The following MACROD1 variants were observed in gnomAD, a reference collection of about 807,000 sequenced individuals.
MACROD1 encodes ADP-ribose glycohydrolase MACROD1.
A neutral mutation model predicts 41.4 loss-of-function variants in MACROD1; 31 were observed. The observed-to-expected ratio is 0.75, with a 90% CI of 0.56 to 1.01. MACROD1 has a LOEUF of 1.01. MACROD1 is among the 50% of genes least tolerant of loss of function. The pLI is 0.00. For missense variants in MACROD1, 473 were observed against 460.0 expected (o/e 1.03, Z -0.26); for synonymous variants, 252 against 203.4 (o/e 1.24, Z -2.03).
At chr11:64,093,251 C>G (rs1017815605) in intron 3 of MACROD1, among the ~76,000 whole-genome samples, 10 of 152,256 alleles carry the variant, frequency 6.6e-5, no homozygotes, top group Non-Finnish European at 1.3e-4. Flanking sequence ...TTATTATCCA[C>G]ATCAACATCT....
At chr11:64,049,606 G>A (rs918773910) in intron 3 of MACROD1, among the ~76,000 whole-genome samples, 4 of 152,214 alleles carry the variant, frequency 2.6e-5, no homozygotes, top group East Asian at 3.8e-4. Flanking sequence ...GCTGACTCCC[G>A]CACAGACATC....
At chr11:64,108,007 A>G (rs1944793347) in intron 3 of MACROD1, among the ~76,000 whole-genome samples, 1 of 152,176 alleles carries the variant, frequency 6.6e-6, no homozygotes, top group Admixed American at 6.5e-5. Context: ...TATCTTCACA[A>G]AAGCCCAGGG....
intron 3 of MACROD1, among the ~76,000 whole-genome samples, chr11:64,106,816 C>T (rs978466032): frequency 3.9e-5 from 6 of 152,206 alleles, no homozygotes; most frequent in Non-Finnish European, 7.3e-5. Flanking sequence ...TTCCTCATCC[C>T]CCAAAATAAA....
chr11:64,070,548 C>T (rs918003079), intron 3 of MACROD1, among the ~76,000 whole-genome samples: 1 of 152,188 alleles, frequency 6.6e-6, no homozygotes, highest in African/African-American at 2.4e-5. Flanking sequence ...CTCGAGAACT[C>T]GAAGCAAGTC....
chr11:64,152,215 C>T lies in MACROD1; in HGVS notation c.400+77G>A, dbSNP rs577359950. The T allele has an allele frequency of 6.5e-5, 79 of 1,218,996 alleles. No individual in the cohort carries two copies. In the South Asian group the frequency reaches 8.3e-4, roughly 13 times the overall value. 75.5% of individuals were successfully genotyped at this position (1,218,996 alleles called of 1,614,324 possible). A position where few individuals can be genotyped will look rare whatever the true frequency, so the allele number is the denominator to read the frequency against. ...CACTCGATACATGCCACTGGACTAGCTCTTCTTGTCTGCACAATTCTCCCA... is the reference window on the plus strand; with the variant it reads ...CACTCGATACATGCCACTGGACTAGTTCTTCTTGTCTGCACAATTCTCCCA... On this transcript the variant is annotated intron_variant, in intron 2 of 10. Coordinates refer to ENST00000255681, the MANE Select transcript of MACROD1 (RefSeq NM_014067.4).
chr11:64,000,659 G>C (rs1484230386), intron 4 of MACROD1, among the ~76,000 whole-genome samples: 4 of 151,914 alleles, frequency 2.6e-5, no homozygotes, highest in Non-Finnish European at 2.9e-5. Context: ...TCCGGGAGGC[G>C]GGGGCCGCCG....
intron 3 of MACROD1, among the ~76,000 whole-genome samples, chr11:64,048,327 A>G (rs1943625039): frequency 6.6e-6 from 1 of 152,244 alleles, no homozygotes; most frequent in Non-Finnish European, 1.5e-5. Context: ...CCTTTGTGCC[A>G]GTGCACTGTC....
chr11:64,068,691 G>A (rs996064004), intron 3 of MACROD1, among the ~76,000 whole-genome samples: 4 of 152,226 alleles, frequency 2.6e-5, no homozygotes, highest in Admixed American at 6.5e-5. Context: ...CTGATCTCAC[G>A]TGTCTGTCTC....
intron 3 of MACROD1, among the ~76,000 whole-genome samples, chr11:64,125,586 A>T (rs1945165915): frequency 6.6e-6 from 1 of 152,196 alleles, no homozygotes; most frequent in African/African-American, 2.4e-5. Context: ...GCTGGCACAG[A>T]GAGGGGCTCA....
intron 3 of MACROD1, among the ~76,000 whole-genome samples, chr11:64,017,942 A>G (rs1384899565): frequency 6.6e-6 from 1 of 152,156 alleles, no homozygotes; most frequent in Non-Finnish European, 1.5e-5. Flanking sequence ...TGGGAAGGTG[A>G]TGCCATTCCC....
At chr11:64,157,950 G>A (rs1945694559) in intron 1 of MACROD1, among the ~76,000 whole-genome samples, 1 of 152,188 alleles carries the variant, frequency 6.6e-6, no homozygotes, top group African/African-American at 2.4e-5. Context: ...GGGAGACGGA[G>A]CACGCAGCAC....
chr11:64,105,803 C>T (rs929892531), intron 3 of MACROD1, among the ~76,000 whole-genome samples: 5 of 152,144 alleles, frequency 3.3e-5, no homozygotes, highest in Non-Finnish European at 7.4e-5. Context: ...AGGAGGTGGG[C>T]GGGGAGGCTG....
chr11:64,084,921 C>A (rs1236297346), intron 3 of MACROD1, among the ~76,000 whole-genome samples: 1 of 152,256 alleles, frequency 6.6e-6, no homozygotes, highest in African/African-American at 2.4e-5. Context: ...TCCCTCCAGC[C>A]AGCCTTGGTG....
At chr11:64,053,363 G>A (rs1943728520) in intron 3 of MACROD1, among the ~76,000 whole-genome samples, 1 of 152,224 alleles carries the variant, frequency 6.6e-6, no homozygotes, top group Non-Finnish European at 1.5e-5. Context: ...GCTGGGCTCT[G>A]TTAACTGGGG....
rs1265815965 is a variant in MACROD1, at chr11:63,998,850, G to C, written c.*18C>G. On this transcript the variant is annotated 3_prime_UTR_variant, in exon 10 of 11. Transcript: ENST00000255681. ...AGGCCCTGCTTACCAGTCCCGGTCA[G>C]GGTGGGCTGCGGGAGCCTCAGGCTG... 1 of 1,588,350 alleles carries C rather than the reference G, an allele frequency of 6.3e-7. No individual in the cohort carries two copies. The highest frequency in any genetic ancestry group is 1.3e-5 in the African/African-American group (1 of 74,438).
At position 64,118,251 on chromosome 11, in the gene MACROD1, C is replaced by T. The variant is rs372963657; in HGVS notation, c.517+32988G>A. ...TGGCTACGGCACCACGCGGGGCTAC[C>T]GGGACGGCGGCATCCCCGACATAGA... On this transcript the variant is annotated intron_variant, in intron 3 of 10. Transcript: ENST00000255681. 43 of 1,600,768 alleles carry T rather than the reference C, an allele frequency of 2.7e-5. No individual in the cohort carries two copies. In the Admixed American group the frequency reaches 5.7e-4, roughly 21 times the overall value.
At chr11:64,045,310 G>A (rs1943563494) in intron 3 of MACROD1, among the ~76,000 whole-genome samples, 1 of 152,242 alleles carries the variant, frequency 6.6e-6, no homozygotes, top group Admixed American at 6.5e-5. Flanking sequence ...TGAGCGAGTG[G>A]CAGCAGCTCC....
intron 4 of MACROD1, among the ~76,000 whole-genome samples, chr11:64,013,178 G>C (rs1943038144): frequency 6.6e-6 from 1 of 152,176 alleles, no homozygotes; most frequent in Non-Finnish European, 1.5e-5. Context: ...TCATTTTCAG[G>C]GGGTAGAAGA....
chr11:64,001,614 C>T, intron 4 of MACROD1: 3 of 701,218 alleles, frequency 4.3e-6, no homozygotes, highest in Non-Finnish European at 7.8e-6. Context: ...TGGCACCAGG[C>T]AATTTCCCAG....
Sources: allele counts gnomAD v4.1 joint callset (sites outside exome capture counted in the v4.1 genomes callset), GRCh38; gene constraint gnomAD v4.1.1; transcripts MANE v1.5; gene names NCBI Gene and HGNC (gene_info 2026-07-23, HGNC 2026-07-21).